BTRC: variants seen among roughly 807,000 people sequenced by gnomAD.
BTRC encodes F-box/WD repeat-containing protein 1A.
In BTRC, 42 loss-of-function variants were observed where a neutral mutation model predicts 85.5. The ratio of observed to expected loss-of-function variants is 0.49; its 90% confidence interval spans 0.38 to 0.64. The LOEUF (loss-of-function observed/expected upper bound fraction) is 0.64, where lower values mean the gene tolerates loss of function less well. Among genes scored for constraint, BTRC ranks in the 30% least tolerant of loss-of-function variants. The probability of loss-of-function intolerance (pLI) is 0.00; values close to 1 mark genes in which losing one functional copy is unlikely to be tolerated. For synonymous variants in BTRC, 255 were observed against 263.3 expected (o/e 0.97, Z 0.30); for missense variants, 594 against 743.5 (o/e 0.80, Z 2.34).
chr10:101,550,581 C>T lies in BTRC; in HGVS notation c.1657-118C>T, dbSNP rs1032460581. 2.3e-5 allele frequency: 26 copies of T among 1,108,528 alleles called. No individual in the cohort carries two copies. The South Asian group carries it at 3.4e-4, about 15-fold the overall frequency. 68.7% of individuals were successfully genotyped at this position (1,108,528 alleles called of 1,614,324 possible). A position where few individuals can be genotyped will look rare whatever the true frequency, so the allele number is the denominator to read the frequency against. ...ACAGGTGTGAGCCACTGCGCCTGGC[C>T]TCTTTATAACAGCAAACCATAGCCT... On this transcript the variant is annotated intron_variant, in intron 13 of 14. Coordinates refer to ENST00000370187, the MANE Select transcript of BTRC (RefSeq NM_033637.4).
At chr10:101,453,119 T>C (rs1944991786) in intron 2 of BTRC, among the ~76,000 whole-genome samples, 1 of 152,178 alleles carries the variant, frequency 6.6e-6, no homozygotes, top group African/African-American at 2.4e-5. Flanking sequence ...AATTGTAAAT[T>C]TATATTTGGA....
intron 2 of BTRC, among the ~76,000 whole-genome samples, chr10:101,433,944 TA>T (rs1193646812): frequency 6.6e-6 from 1 of 152,098 alleles, no homozygotes; most frequent in Admixed American, 6.5e-5. Flanking sequence ...ACTATATTTG[TA>T]ATAGGAATTA....
At chr10:101,446,898 T>C (rs993103882) in intron 2 of BTRC, among the ~76,000 whole-genome samples, 1 of 152,068 alleles carries the variant, frequency 6.6e-6, no homozygotes, top group East Asian at 1.9e-4. Context: ...GCTTTAGTCA[T>C]TTGTATTCCA....
At chr10:101,404,867 G>A (rs1290424887) in intron 1 of BTRC, among the ~76,000 whole-genome samples, 2 of 151,894 alleles carry the variant, frequency 1.3e-5, no homozygotes, top group South Asian at 4.2e-4. Flanking sequence ...GCGTGGTGGC[G>A]GGTGCCTGTA....
intron 1 of BTRC, among the ~76,000 whole-genome samples, chr10:101,419,007 T>C (rs901600423): frequency 2.6e-5 from 4 of 151,646 alleles, no homozygotes; most frequent in Non-Finnish European, 5.9e-5. Flanking sequence ...CTTTTCTTTC[T>C]TTCTTTCTTT....
intron 1 of BTRC, among the ~76,000 whole-genome samples, chr10:101,402,553 G>C (rs554784388): frequency 1.3e-5 from 2 of 152,012 alleles, no homozygotes; most frequent in African/African-American, 4.8e-5. Flanking sequence ...TCCAAGTTTC[G>C]TGGAGAAAAT....
Position 101,366,801 on chromosome 10 carries a change from T to TATATATTA in BTRC, c.48+12579_48+12580insTAATATAT, listed in dbSNP as rs1942399176. 5.3e-5 allele frequency among the ~76,000 whole-genome samples: 4 copies of TATATATTA among 75,908 alleles called. 1 individual carries two copies. The highest frequency in any genetic ancestry group is 2.4e-4 in the African/African-American group (4 of 16,338). The allele number at this position is 75,908 out of a possible 152,430, so 49.8% of individuals were successfully genotyped here. A position where few individuals can be genotyped will look rare whatever the true frequency, so the allele number is the denominator to read the frequency against. The stretch of plus-strand genomic sequence containing the variant: ...ATATATATATATATTTTTACATTTA[T>TATATATTA]ATATATATTTATATATATTAATATA... On this transcript the variant is annotated intron_variant, in intron 1 of 14. Coordinates refer to ENST00000370187, the MANE Select transcript of BTRC (RefSeq NM_033637.4).
rs773999513 is a variant in BTRC, at chr10:101,469,376, TA to T, written c.234+7321del. Among the ~76,000 whole-genome samples the T allele has an allele frequency of 5.3e-5, 8 of 152,252 alleles. 1 individual carries two copies. The East Asian group carries it at 1.5e-3, about 29-fold the overall frequency. ...TTTTACAGATGGAATGTCTAGAAAATAAAGTCCTATATATAGCCCTACTCTG... is the reference window on the plus strand; with the variant it reads ...TTTTACAGATGGAATGTCTAGAAAATAAGTCCTATATATAGCCCTACTCTG... On this transcript the variant is annotated intron_variant, in intron 3 of 14. Transcript: ENST00000370187.
intron 13 of BTRC, among the ~76,000 whole-genome samples, chr10:101,539,859 C>T (rs2062440022): frequency 6.6e-6 from 1 of 152,176 alleles, no homozygotes; most frequent in Non-Finnish European, 1.5e-5. Context: ...GTAATTTAGT[C>T]ATTCTCATTG....
chr10:101,417,647 C>T (rs970984269), intron 1 of BTRC, among the ~76,000 whole-genome samples: 1 of 152,034 alleles, frequency 6.6e-6, no homozygotes, highest in African/African-American at 2.4e-5. Context: ...TAAGTATCCT[C>T]CTCCTTATCA....
chr10:101,447,303 A>G (rs1221072772), intron 2 of BTRC, among the ~76,000 whole-genome samples: 1 of 152,152 alleles, frequency 6.6e-6, no homozygotes, highest in South Asian at 2.1e-4. Flanking sequence ...GAAAGAAAGG[A>G]GATGTTGGGA....
chr10:101,402,197 G>T (rs943235922), intron 1 of BTRC, among the ~76,000 whole-genome samples: 1 of 152,148 alleles, frequency 6.6e-6, no homozygotes, highest in Non-Finnish European at 1.5e-5. Context: ...CATATGTGAG[G>T]AGGTTATGTT....
At chr10:101,459,497 T>A (rs922316548) in intron 2 of BTRC, among the ~76,000 whole-genome samples, 2 of 152,236 alleles carry the variant, frequency 1.3e-5, no homozygotes, top group African/African-American at 4.8e-5. Flanking sequence ...ATAAGTTGGA[T>A]TTTTTGTTTG....
At chr10:101,449,733 G>A (rs2134135012) in intron 2 of BTRC, among the ~76,000 whole-genome samples, 1 of 152,032 alleles carries the variant, frequency 6.6e-6, no homozygotes, top group East Asian at 1.9e-4. Flanking sequence ...TCCCCCTGGT[G>A]AATTTTAATT....
chr10:101,547,050 A>G (rs1442879858), intron 13 of BTRC, among the ~76,000 whole-genome samples: 3 of 152,324 alleles, frequency 2.0e-5, no homozygotes, highest in Middle Eastern at 6.8e-3. Context: ...GACAAACACA[A>G]TATAGGAAAA....
At chr10:101,435,866 T>G (rs901892867) in intron 2 of BTRC, among the ~76,000 whole-genome samples, 2 of 152,128 alleles carry the variant, frequency 1.3e-5, no homozygotes, top group Non-Finnish European at 2.9e-5. Flanking sequence ...AATGGCTTCA[T>G]GACTTTTTTT....
At chr10:101,458,425 T>C (rs1187504033) in intron 2 of BTRC, among the ~76,000 whole-genome samples, 1 of 152,148 alleles carries the variant, frequency 6.6e-6, no homozygotes, top group East Asian at 1.9e-4. Context: ...TTAATGGCGG[T>C]GTTATACAAC....
intron 1 of BTRC, among the ~76,000 whole-genome samples, chr10:101,384,358 C>G (rs1943013253): frequency 6.6e-6 from 1 of 152,202 alleles, no homozygotes; most frequent in Non-Finnish European, 1.5e-5. Flanking sequence ...GCAGCTATTT[C>G]TTTCCGAATA....
intron 1 of BTRC, among the ~76,000 whole-genome samples, chr10:101,411,398 C>T (rs1943774759): frequency 6.6e-6 from 1 of 152,106 alleles, no homozygotes; most frequent in Non-Finnish European, 1.5e-5. Flanking sequence ...TCTGCCCATC[C>T]CTGTTCTCTA....
Sources: allele counts gnomAD v4.1 joint callset (sites outside exome capture counted in the v4.1 genomes callset), GRCh38; gene constraint gnomAD v4.1.1; transcripts MANE v1.5; gene names NCBI Gene and HGNC (gene_info 2026-07-23, HGNC 2026-07-21).